The following MALRD1 variants were observed in gnomAD, a reference collection of about 807,000 sequenced individuals.
MALRD1 encodes MAM and LDL-receptor class A domain-containing protein 1.
A neutral mutation model predicts 242.1 loss-of-function variants in MALRD1; 247 were observed. The observed-to-expected ratio is 1.02, with a 90% confidence interval of 0.92 to 1.13. The LOEUF (loss-of-function observed/expected upper bound fraction) is 1.13, where lower values mean the gene tolerates loss of function less well. Ranked by LOEUF, MALRD1 falls within the 50% of genes most tolerant of loss-of-function variation. The pLI is 0.00. For synonymous variants in MALRD1, 995 were observed against 866.6 expected, an observed-to-expected ratio of 1.15 and a Z score of -2.60; for missense variants, 2,989 against 2,533.1, an observed-to-expected ratio of 1.18 and a Z score of -3.86.
chr10:19,431,028 G>A (rs1011669612), intron 28 of MALRD1, among the ~76,000 whole-genome samples: 3 of 152,146 alleles, frequency 2.0e-5, no homozygotes, highest in African/African-American at 4.8e-5. Flanking sequence ...AAGTTCTGGT[G>A]TACATGTGCA....
chr10:19,305,895 A>C (rs1432605402), intron 21 of MALRD1, among the ~76,000 whole-genome samples: 13 of 130,762 alleles, frequency 9.9e-5, no homozygotes, highest in East Asian at 2.1e-4. Context: ...AATATATATT[A>C]TATATACTAT....
intron 28 of MALRD1, among the ~76,000 whole-genome samples, chr10:19,409,348 G>C (rs1394911095): frequency 6.6e-6 from 1 of 152,146 alleles, no homozygotes; most frequent in African/African-American, 2.4e-5. Flanking sequence ...TCAGTGCTTT[G>C]GGAAGCTGGA....
chr10:19,250,249 A>G (rs1233587913), intron 18 of MALRD1, among the ~76,000 whole-genome samples: 1 of 151,960 alleles, frequency 6.6e-6, no homozygotes, highest in East Asian at 1.9e-4. Flanking sequence ...ATAAAAACAC[A>G]ATTTACTGAA....
chr10:19,178,694 G>GGA (rs1379746510), intron 14 of MALRD1, among the ~76,000 whole-genome samples: 1 of 152,136 alleles, frequency 6.6e-6, no homozygotes, highest in Non-Finnish European at 1.5e-5. Context: ...TTTGTTAAAG[G>GGA]GAGAGAGCCT....
At chr10:19,511,680 CAG>C (rs1322586881) in intron 31 of MALRD1, among the ~76,000 whole-genome samples, 3 of 152,110 alleles carry the variant, frequency 2.0e-5, no homozygotes, top group African/African-American at 7.2e-5. Flanking sequence ...TTTGGAATAT[CAG>C]TAACTTTTGT....
At chr10:19,105,438 CA>C (rs756559382) in intron 5 of MALRD1, among the ~76,000 whole-genome samples, 2 of 151,948 alleles carry the variant, frequency 1.3e-5, no homozygotes, top group Admixed American at 6.6e-5. Context: ...AGGTTGATTT[CA>C]TATCTTGGCT....
rs78862538 is a variant in MALRD1 at position 19,225,717 on chromosome 10, A to G, written c.2991+16037A>G. On this transcript the variant is annotated intron_variant, in intron 18 of 39. Transcript: ENST00000454679. ...AGCCCTTCTAAAGCCATGAAAGCCT[A>G]CCAAGAATTGTCAAAGAAGCTAGGC... 0.017 allele frequency among the ~76,000 whole-genome samples: 2,568 copies of G among 152,204 alleles called. 100 individuals carry two copies. The East Asian group carries it at 0.17, about 10-fold the overall frequency.
chr10:19,454,405 G>GATATATATATATATATATATAT (rs141643131), intron 29 of MALRD1, among the ~76,000 whole-genome samples: 1,072 of 79,792 alleles, frequency 0.013, 32 homozygotes, highest in African/African-American at 0.018. Context: ...TTATGCATAT[G>GATATATATATATATATATATAT]ATATATATAT....
intron 33 of MALRD1, among the ~76,000 whole-genome samples, chr10:19,584,095 T>G (rs996247549): frequency 8.0e-5 from 12 of 150,522 alleles, no homozygotes; most frequent in Non-Finnish European, 4.4e-5. Flanking sequence ...TTTTATTGCG[T>G]CTATTTGATT....
chr10:19,636,457 A>G (rs933838182), intron 36 of MALRD1, among the ~76,000 whole-genome samples: 9 of 152,224 alleles, frequency 5.9e-5, no homozygotes, highest in African/African-American at 2.2e-4. Flanking sequence ...CAAAAGAAGT[A>G]TAGACCAATC....
At chr10:19,580,883 T>A (rs922422566) in intron 33 of MALRD1, among the ~76,000 whole-genome samples, 2 of 152,108 alleles carry the variant, frequency 1.3e-5, no homozygotes, top group Non-Finnish European at 2.9e-5. Context: ...CTACACACAC[T>A]CTGTGTACTT....
At chr10:19,520,100 T>C (rs1183172448) in intron 31 of MALRD1, among the ~76,000 whole-genome samples, 5 of 152,104 alleles carry the variant, frequency 3.3e-5, no homozygotes, top group Non-Finnish European at 7.4e-5. Flanking sequence ...CCTTGAGTCG[T>C]TCACGGAAGA....
chr10:19,338,197 T>G (rs902741288), intron 24 of MALRD1, among the ~76,000 whole-genome samples: 1 of 143,128 alleles, frequency 7.0e-6, no homozygotes, highest in African/African-American at 2.6e-5. Flanking sequence ...ACTCCATAGT[T>G]TACATTAGGT....
At chr10:19,584,260 C>T (rs930393262) in intron 33 of MALRD1, among the ~76,000 whole-genome samples, 4 of 152,098 alleles carry the variant, frequency 2.6e-5, no homozygotes, top group African/African-American at 9.7e-5. Flanking sequence ...TTCTTGCCTT[C>T]TGTTAGCTTT....
chr10:19,627,441 A>G (rs1468107135), intron 36 of MALRD1, among the ~76,000 whole-genome samples: 1 of 152,014 alleles, frequency 6.6e-6, no homozygotes, highest in Non-Finnish European at 1.5e-5. Flanking sequence ...AAAAGCAACA[A>G]AAAAACAATA....
At chr10:19,640,048 G>C (rs1396420168) in intron 36 of MALRD1, among the ~76,000 whole-genome samples, 2 of 152,076 alleles carry the variant, frequency 1.3e-5, no homozygotes, top group Non-Finnish European at 2.9e-5. Flanking sequence ...TTGACTGTGA[G>C]GCCCACCATG....
chr10:19,192,436 G>A (rs1030907870), intron 14 of MALRD1, among the ~76,000 whole-genome samples: 1 of 152,134 alleles, frequency 6.6e-6, no homozygotes, highest in East Asian at 1.9e-4. Context: ...AAGATGTAAG[G>A]AGCCACATGA....
At chr10:19,346,184 T>C (rs1844112983) in intron 24 of MALRD1, among the ~76,000 whole-genome samples, 1 of 152,146 alleles carries the variant, frequency 6.6e-6, no homozygotes, top group African/African-American at 2.4e-5. Flanking sequence ...ACTATAAGAA[T>C]GTATCTATAC....
At chr10:19,236,840 A>G (rs893034659) in intron 18 of MALRD1, among the ~76,000 whole-genome samples, 3 of 152,088 alleles carry the variant, frequency 2.0e-5, no homozygotes, top group Non-Finnish European at 4.4e-5. Context: ...TTTATATTTC[A>G]GTAGTATAGC....
Sources: allele counts gnomAD v4.1 joint callset (sites outside exome capture counted in the v4.1 genomes callset), GRCh38; gene constraint gnomAD v4.1.1; transcripts MANE v1.5; gene names NCBI Gene and HGNC (gene_info 2026-07-23, HGNC 2026-07-21).